Variants in SYN3 observed in about 807,000 individuals in gnomAD.
The protein encoded by SYN3 is synapsin-3.
Under a neutral mutation model 65.8 loss-of-function variants are expected in SYN3, and 35 were observed. The observed-to-expected ratio is 0.53, with a 90% CI of 0.41 to 0.70. The LOEUF is 0.70. Among genes scored for constraint, SYN3 ranks in the 30% least tolerant of loss-of-function variants. SYN3 has a pLI of 0.00. For missense variants in SYN3, 680 were observed against 749.0 expected (o/e 0.91, Z 1.08); for synonymous variants, 270 against 292.9 (o/e 0.92, Z 0.80).
intron 6 of SYN3, among the ~76,000 whole-genome samples, chr22:32,634,465 T>C (rs2059787579): frequency 2.0e-5 from 3 of 152,210 alleles, no homozygotes; most frequent in Admixed American, 2.0e-4. Context: ...CATATGGGAA[T>C]GAGGGGTTGA....
At chr22:32,654,692 C>G (rs1303862036) in intron 6 of SYN3, among the ~76,000 whole-genome samples, 1 of 152,166 alleles carries the variant, frequency 6.6e-6, no homozygotes, top group African/African-American at 2.4e-5. Context: ...TTGAACGCTC[C>G]TTATGAGAAT....
At chr22:32,646,379 A>G (rs1190330301) in intron 6 of SYN3, among the ~76,000 whole-genome samples, 1 of 152,230 alleles carries the variant, frequency 6.6e-6, no homozygotes, top group Non-Finnish European at 1.5e-5. Context: ...GGTGCTTAAA[A>G]TAGAAAATGA....
At chr22:32,965,895 T>C (rs551228514) in intron 3 of SYN3, among the ~76,000 whole-genome samples, 3 of 152,118 alleles carry the variant, frequency 2.0e-5, no homozygotes, top group South Asian at 2.1e-4. Flanking sequence ...GGGGTTTCGC[T>C]GTGTTAGCCA....
intron 4 of SYN3, among the ~76,000 whole-genome samples, chr22:32,911,533 G>A (rs1241683196): frequency 6.6e-6 from 1 of 152,152 alleles, no homozygotes; most frequent in Admixed American, 6.5e-5. Context: ...TGCCTGTGGG[G>A]GCCTGGGATG....
At chr22:32,663,882 G>A (rs1048551603) in intron 6 of SYN3, among the ~76,000 whole-genome samples, 19 of 152,106 alleles carry the variant, frequency 1.2e-4, no homozygotes, top group African/African-American at 4.6e-4. Flanking sequence ...TCAAGAGAGA[G>A]ATAGTGGAAG....
chr22:32,763,154 G>GT (rs869144291), intron 6 of SYN3, among the ~76,000 whole-genome samples: 6 of 69,218 alleles, frequency 8.7e-5, no homozygotes, highest in South Asian at 3.5e-4. Flanking sequence ...TGTTGTTGTT[G>GT]TTTTTTTTTT....
In SYN3 at chr22:32,930,072, T is replaced by C. The variant is rs905190935; in HGVS notation, c.461+1318A>G. ...GAAATAGGAAGCCAAATGTCTTTCA[T>C]GGCATACAGTAGGCACTCAATAAAG... On this transcript the variant is annotated intron_variant, in intron 4 of 13. Transcript: ENST00000358763. 7.9e-5 allele frequency among the ~76,000 whole-genome samples: 12 copies of C among 152,330 alleles called. No homozygotes were observed. The East Asian group carries it at 1.9e-3, about 24-fold the overall frequency.
intron 1 of SYN3, among the ~76,000 whole-genome samples, chr22:33,030,996 T>C (rs117294893): frequency 0.016 from 2,417 of 151,450 alleles, 93 homozygotes; most frequent in Admixed American, 0.08. Flanking sequence ...AACAGAGACA[T>C]AGAGAAACAG....
At chr22:32,892,666 T>C (rs1006247975) in intron 4 of SYN3, among the ~76,000 whole-genome samples, 6 of 152,254 alleles carry the variant, frequency 3.9e-5, no homozygotes, top group African/African-American at 1.4e-4. Context: ...GGTGGACATA[T>C]AAACTGGATA....
intron 6 of SYN3, among the ~76,000 whole-genome samples, chr22:32,800,144 T>G (rs1316481917): frequency 1.1e-4 from 17 of 152,242 alleles, no homozygotes; most frequent in Admixed American, 1.0e-3. Context: ...GCTGTCCCAA[T>G]GTCACTTGTC....
intron 6 of SYN3, among the ~76,000 whole-genome samples, chr22:32,623,192 T>G (rs2059619747): frequency 6.6e-6 from 1 of 151,914 alleles, no homozygotes; most frequent in African/African-American, 2.4e-5. Context: ...TTGTCATAGT[T>G]TTTTTTTCAA....
chr22:32,998,239 G>A (rs1398665519), intron 2 of SYN3, among the ~76,000 whole-genome samples: 1 of 152,088 alleles, frequency 6.6e-6, no homozygotes, highest in Non-Finnish European at 1.5e-5. Context: ...ATCATACAGC[G>A]TAATAACTCT....
At chr22:32,705,483 T>C (rs1251161732) in intron 6 of SYN3, among the ~76,000 whole-genome samples, 1 of 152,228 alleles carries the variant, frequency 6.6e-6, no homozygotes, top group Non-Finnish European at 1.5e-5. Flanking sequence ...TGAAGTCAGG[T>C]AGTGTGATGC....
chr22:32,518,382 A>C, intron 12 of SYN3, 48 bp from the exon 13 acceptor site: 1 of 1,602,252 alleles, frequency 6.2e-7, no homozygotes, highest in Non-Finnish European at 8.5e-7. Context: ...TTTTCTTAGG[A>C]TAGATATGGC....
At chr22:32,969,503 T>G (rs2051954226) in intron 3 of SYN3, among the ~76,000 whole-genome samples, 1 of 152,202 alleles carries the variant, frequency 6.6e-6, no homozygotes, top group African/African-American at 2.4e-5. Flanking sequence ...TTTTTTTGCT[T>G]GCTATTAAAA....
intron 4 of SYN3, among the ~76,000 whole-genome samples, chr22:32,892,879 T>C (rs2049490880): frequency 6.6e-6 from 1 of 152,066 alleles, no homozygotes; most frequent in Admixed American, 6.6e-5. Flanking sequence ...AATGAGTGAA[T>C]TGTAAAAACT....
At chr22:33,013,187 C>T (rs955522883) in intron 1 of SYN3, among the ~76,000 whole-genome samples, 2 of 152,144 alleles carry the variant, frequency 1.3e-5, no homozygotes, top group African/African-American at 4.8e-5. Flanking sequence ...CACCTCTTAC[C>T]ATCTTTTGAC....
chr22:32,889,793 T>A (rs562354521), intron 4 of SYN3, among the ~76,000 whole-genome samples: 5 of 152,126 alleles, frequency 3.3e-5, no homozygotes, highest in Admixed American at 6.6e-5. Context: ...TACAAAGACT[T>A]CTGGGGAAAA....
chr22:32,747,934 TC>T (rs1316008218), intron 6 of SYN3, among the ~76,000 whole-genome samples: 2 of 152,046 alleles, frequency 1.3e-5, no homozygotes, highest in Non-Finnish European at 2.9e-5. Flanking sequence ...AAACTAATGA[TC>T]CCAAGGGTGA....
Sources: allele counts gnomAD v4.1 joint callset (sites outside exome capture counted in the v4.1 genomes callset), GRCh38; gene constraint gnomAD v4.1.1; transcripts MANE v1.5; gene names NCBI Gene and HGNC (gene_info 2026-07-23, HGNC 2026-07-21).